Variants in CCDC33 observed in about 807,000 individuals in gnomAD.
CCDC33 encodes coiled-coil domain containing 33.
CCDC33 carries 94 observed loss-of-function variants against 91.9 expected under a neutral mutation model. The observed-to-expected ratio is 1.02, with a 90% CI of 0.87 to 1.21. CCDC33 has a LOEUF of 1.21. Among genes scored for constraint, CCDC33 ranks in the 50% most tolerant of loss-of-function variants. The pLI is 0.00. For missense variants in CCDC33, 940 were observed against 935.5 expected, an observed-to-expected ratio of 1.00 and a Z score of -0.06; for synonymous variants, 396 against 374.5, an observed-to-expected ratio of 1.06 and a Z score of -0.66.
At chr15:74,271,452 C>G (rs2076313778) in intron 5 of CCDC33, among the ~76,000 whole-genome samples, 1 of 152,116 alleles carries the variant, frequency 6.6e-6, no homozygotes, top group African/African-American at 2.4e-5. Flanking sequence ...TGTAAGAGAT[C>G]CATTGGTAAA....
chr15:74,317,854 G>A (rs372261615), intron 11 of CCDC33, among the ~76,000 whole-genome samples: 12 of 147,072 alleles, frequency 8.2e-5, no homozygotes, highest in African/African-American at 2.8e-4. Context: ...GACCAGGGCC[G>A]TTTCTAGGTG....
rs768151393 is a variant in CCDC33 at position 74,262,515 on chromosome 15, C to T, written c.261C>T (p.Ala87=). Residue 87 remains alanine, a synonymous_variant, in exon 3 of 19, where the codon GCC becomes GCT. Coordinates refer to ENST00000398814, the MANE Select transcript of CCDC33 (RefSeq NM_025055.5). ...VTSVTSEPTR[A]PIWGDTVNVE... is the part of the protein sequence containing the mutation. ...CTGTGACCTCAGAGCCCACCAGAGC[C>T]CCTATCTGGGGGGACACGGTGAATG... 1.9e-6 allele frequency: 3 copies of T among 1,613,914 alleles called. No individual in the cohort carries two copies. Among genetic ancestry groups the T allele is most frequent in the South Asian group, 2.2e-5 (2 of 91,058 alleles).
intron 2 of CCDC33, among the ~76,000 whole-genome samples, chr15:74,248,698 A>G (rs2075613254): frequency 6.6e-6 from 1 of 152,060 alleles, no homozygotes; most frequent in Non-Finnish European, 1.5e-5. Context: ...TTCACCCCTT[A>G]AGGAGGCACC....
intron 11 of CCDC33, among the ~76,000 whole-genome samples, chr15:74,310,553 A>AG (rs1159921369): frequency 6.6e-6 from 1 of 150,562 alleles, no homozygotes; most frequent in Non-Finnish European, 1.5e-5. Flanking sequence ...AAAAAAAAAA[A>AG]GAAATTTGAA....
At chr15:74,326,435 A>G (rs1363096359) in intron 11 of CCDC33, among the ~76,000 whole-genome samples, 5 of 152,248 alleles carry the variant, frequency 3.3e-5, no homozygotes, top group African/African-American at 1.2e-4. Context: ...CTCTCTCCAC[A>G]GCAACCCCCC....
chr15:74,288,578 T>C (rs1156463217), intron 10 of CCDC33, among the ~76,000 whole-genome samples: 3 of 152,226 alleles, frequency 2.0e-5, no homozygotes, highest in Admixed American at 2.0e-4. Flanking sequence ...GGCACATCAG[T>C]AAGCAGCATG....
Position 74,218,971 on chromosome 15 carries a change from C to T in CCDC33, c.675+110C>T. 9.1e-7 allele frequency: 1 copy of T among 1,096,182 alleles called. No homozygotes were observed. The highest frequency in any genetic ancestry group is 1.2e-6 in the Non-Finnish European group (1 of 861,684). The allele number at this position is 1,096,182 out of a possible 1,614,324, so 67.9% of individuals were successfully genotyped here. A position where few individuals can be genotyped will look rare whatever the true frequency, so the allele number is the denominator to read the frequency against. ...TCCTGAGCTGAGCTGAGCAGAGCAG[C>T]AGAGCTCCCAAGGCTGCCATGTTCA... On this transcript the variant is annotated intron_variant, in intron 2 of 2. Transcript: ENST00000635913. This position sits in a 1 kb window ranked among gnomAD's most constrained non-coding sequence, Gnocchi z 4.8.
chr15:74,219,805 T>C (rs956141374), intron 2 of CCDC33, among the ~76,000 whole-genome samples: 4 of 152,164 alleles, frequency 2.6e-5, no homozygotes, highest in South Asian at 4.1e-4. Context: ...ATAGCAATAC[T>C]GGGCTTTGGG....
chr15:74,317,838 C>T (rs186072453), intron 11 of CCDC33, among the ~76,000 whole-genome samples: 43 of 150,076 alleles, frequency 2.9e-4, no homozygotes, highest in Non-Finnish European at 5.2e-4. Context: ...GACATTCTGC[C>T]TTCATGACCA....
chr15:74,311,271 C>T (rs1013189513), intron 11 of CCDC33, among the ~76,000 whole-genome samples: 1 of 152,128 alleles, frequency 6.6e-6, no homozygotes, highest in African/African-American at 2.4e-5. Flanking sequence ...TGGCAGGTGC[C>T]CCCAGCATCT....
At chr15:74,298,314 G>A (rs2059728311) in intron 11 of CCDC33, among the ~76,000 whole-genome samples, 1 of 152,098 alleles carries the variant, frequency 6.6e-6, no homozygotes, top group African/African-American at 2.4e-5. Flanking sequence ...AGGAGGAGCA[G>A]AGAGGAAAAA....
rs920519231 is a variant in CCDC33 at position 74,333,767 on chromosome 15, C to T, written c.1939-114C>T. ...CAGGTCTGACGCTCTGCCTCGGGAG[C>T]TCAGTCTGAACTCAGGCCTGACTGG... On this transcript the variant is annotated intron_variant, in intron 16 of 18. Transcript: ENST00000398814. The T allele has an allele frequency of 7.9e-6, 6 of 762,202 alleles. No individual in the cohort carries two copies. The African/African-American group carries it at 8.6e-5, about 11-fold the overall frequency. The allele number at this position is 762,202 out of a possible 1,614,324, so 47.2% of individuals were successfully genotyped here. A position where few individuals can be genotyped will look rare whatever the true frequency, so the allele number is the denominator to read the frequency against.
In CCDC33 at chr15:74,330,755, A is replaced by C. The variant is rs1439585236; in HGVS notation, c.1545+4A>C. 1 of 1,610,320 alleles carries C rather than the reference A, an allele frequency of 6.2e-7. No individual in the cohort carries two copies. The highest frequency in any genetic ancestry group is 8.5e-7 in the Non-Finnish European group (1 of 1,178,164). On this transcript the variant is annotated splice_donor_region_variant and intron_variant, in intron 13 of 18. Transcript: ENST00000398814. ...TTTGCAGAATGAGCTGATTCGAGTG[A>C]GCTGGGGCTTGTGGGGGCAGAGGGG... is the stretch of plus-strand genomic sequence containing the variant.
intron 11 of CCDC33, chr15:74,318,751 G>T: frequency 4.4e-6 from 3 of 687,708 alleles, no homozygotes; most frequent in Non-Finnish European, 5.3e-6. Flanking sequence ...AACCAGTAGA[G>T]GTGTTCCCAG....
intron 11 of CCDC33, among the ~76,000 whole-genome samples, chr15:74,325,653 T>A (rs1182108155): frequency 6.6e-6 from 1 of 152,194 alleles, no homozygotes; most frequent in African/African-American, 2.4e-5. Context: ...ACACTGAGTC[T>A]CTGTGACCTT....
intron 10 of CCDC33, among the ~76,000 whole-genome samples, chr15:74,287,224 A>C (rs1409533040): frequency 6.6e-6 from 1 of 152,112 alleles, no homozygotes; most frequent in African/African-American, 2.4e-5. Context: ...AGTCTCCTCC[A>C]CTGGTTCTGC....
Position 74,217,313 on chromosome 15 carries a change from GCTGAGACAGAGGCTGA to G in CCDC33, c.43_58del (p.Leu15ArgfsTer14). On this transcript the variant is annotated frameshift_variant, in exon 1 of 3. Transcript: ENST00000635913. LOFTEE classifies it high-confidence loss of function. ...CTGAACCCTGGGTCTCTGCATCCCTGCTGAGACAGAGGCTGAAGGCCGAGGAGAAGACGCTGGATCT... is the reference window on the plus strand; with the variant it reads ...CTGAACCCTGGGTCTCTGCATCCCTGAGGCCGAGGAGAAGACGCTGGATCT... 1 of 1,288,512 alleles carries G rather than the reference GCTGAGACAGAGGCTGA, an allele frequency of 7.8e-7. No homozygotes were observed. The highest frequency in any genetic ancestry group is 1.2e-5 in the South Asian group (1 of 80,668). 79.8% of individuals were successfully genotyped at this position (1,288,512 alleles called of 1,614,324 possible). A position where few individuals can be genotyped will look rare whatever the true frequency, so the allele number is the denominator to read the frequency against.
At chr15:74,293,818 C>T (rs1319209972) in intron 10 of CCDC33, among the ~76,000 whole-genome samples, 1 of 152,194 alleles carries the variant, frequency 6.6e-6, no homozygotes, top group Non-Finnish European at 1.5e-5. Flanking sequence ...TTGGCGTTGT[C>T]TATTTTGCAC....
chr15:74,324,814 A>C (rs1461300055), intron 11 of CCDC33, among the ~76,000 whole-genome samples: 34 of 35,968 alleles, frequency 9.5e-4, no homozygotes, highest in Admixed American at 1.3e-3. Context: ...CCTCCTTCCC[A>C]CTCCAGACCT....
Sources: allele counts gnomAD v4.1 joint callset (sites outside exome capture counted in the v4.1 genomes callset), GRCh38; gene constraint gnomAD v4.1.1; non-coding constraint Gnocchi (gnomAD v3.1); transcripts MANE v1.5; gene names NCBI Gene and HGNC (gene_info 2026-07-23, HGNC 2026-07-21).